The following RTTN variants were observed in gnomAD, a reference collection of about 807,000 sequenced individuals.
RTTN encodes rotatin.
Under a neutral mutation model 269.2 loss-of-function variants are expected in RTTN, and 182 were observed. The observed-to-expected ratio is 0.68, with a 90% CI of 0.60 to 0.76. The LOEUF is 0.76. Among genes scored for constraint, RTTN ranks in the 30% least tolerant of loss-of-function variants. The pLI is 0.00. For synonymous variants in RTTN, 1,006 were observed against 963.5 expected (o/e 1.04, Z -0.82); for missense variants, 2,545 against 2,608.6 (o/e 0.98, Z 0.53).
At chr18:70,103,670 T>G (rs539817904) in intron 28 of RTTN, among the ~76,000 whole-genome samples, 207 of 150,644 alleles carry the variant, frequency 1.4e-3, no homozygotes, top group African/African-American at 4.9e-3. Flanking sequence ...TTTGTTCAAG[T>G]GTTTATCTGC....
intron 34 of RTTN, among the ~76,000 whole-genome samples, chr18:70,071,857 T>C (rs1228679563): frequency 6.6e-6 from 1 of 152,100 alleles, no homozygotes; most frequent in East Asian, 1.9e-4. Flanking sequence ...AAAGATAAAA[T>C]GGAAAAACCA....
Position 70,030,120 on chromosome 18 carries a change from A to G in RTTN, c.5648-11T>C. The G allele has an allele frequency of 2.6e-6, 4 of 1,562,312 alleles. No individual in the cohort carries two copies. Among genetic ancestry groups the G allele is most frequent in the Non-Finnish European group, 3.5e-6 (4 of 1,135,660 alleles). ...TGTCTATAAGATTGGCTGAAAGACAAAATCTGCAGTAGTCAAAAGGATATT... is the reference window on the plus strand; with the variant it reads ...TGTCTATAAGATTGGCTGAAAGACAGAATCTGCAGTAGTCAAAAGGATATT... On this transcript the variant is annotated splice_polypyrimidine_tract_variant and intron_variant, in intron 41 of 48. Transcript: ENST00000640769.
At chr18:70,154,918 A>G (rs140870206) in intron 14 of RTTN, among the ~76,000 whole-genome samples, 2 of 152,172 alleles carry the variant, frequency 1.3e-5, no homozygotes, top group African/African-American at 2.4e-5. Context: ...CTACTATTTG[A>G]TATTATCAAA....
rs1323521128 is a variant in RTTN, at chr18:70,092,172, G to A, written c.4081C>T (p.His1361Tyr). The change falls in exon 30 of 49, where the codon CAT becomes TAT. Residue 1361 changes from histidine to tyrosine, a missense_variant. Coordinates refer to ENST00000640769, the MANE Select transcript of RTTN (RefSeq NM_173630.4). ...GCCAATCCTTGTTGAGTAGGAATAT[G>A]TTCTTCACTATGACTACCCAAAGGC... ...FLPLGSHSEEHIPTQQGLAWL... is the reference protein window; with the variant it reads ...FLPLGSHSEEYIPTQQGLAWL... 6 of 1,613,384 alleles carry A rather than the reference G, an allele frequency of 3.7e-6. No individual in the cohort carries two copies. The highest frequency in any genetic ancestry group is 1.3e-5 in the African/African-American group (1 of 74,854).
At position 70,190,619 on chromosome 18, in the gene RTTN, A is replaced by C; in HGVS notation, c.1108T>G (p.Leu370Val). 6.2e-7 allele frequency: 1 copy of C among 1,613,736 alleles called. No homozygotes were observed. The highest frequency in any genetic ancestry group is 8.5e-7 in the Non-Finnish European group (1 of 1,179,608). Residue 370 changes from leucine (L) to valine (V), a missense_variant, in exon 9 of 49, where the codon TTG becomes GTG. Physicochemically the swap from Leu to Val is conservative, Grantham distance 32. Coordinates refer to ENST00000640769, the MANE Select transcript of RTTN (RefSeq NM_173630.4). ...DLPELETEDT[L>V]ELQFQQLSLP... ...CTGAGCTGCTGGAATTGTAGTTCCA[A>C]TGTGTCTTCAGTTTCCAGCTCTGGC... is the stretch of plus-strand genomic sequence containing the variant.
intron 34 of RTTN, among the ~76,000 whole-genome samples, chr18:70,066,975 T>A (rs569932065): frequency 6.6e-6 from 1 of 152,158 alleles, no homozygotes; most frequent in Admixed American, 6.5e-5. Flanking sequence ...TAAGTAAGTA[T>A]AACAGTCATG....
At position 70,188,170 on chromosome 18, in the gene RTTN, G is replaced by C; in HGVS notation, c.1243C>G (p.Leu415Val). ...VLELLTEDMT[L>V]IGEAISTDIW... The stretch of plus-strand genomic sequence containing the variant: ...TCTGTTGAAATTGCTTCACCAATAA[G>C]TGTCATATCCTCTGTAAGCAATTCC... Residue 415 changes from leucine (L) to valine (V), a missense_variant, in exon 10 of 49, where the codon CTT becomes GTT. Coordinates refer to ENST00000640769, the MANE Select transcript of RTTN (RefSeq NM_173630.4). 1 of 1,612,292 alleles carries C rather than the reference G, an allele frequency of 6.2e-7. No individual in the cohort carries two copies. The highest frequency in any genetic ancestry group is 1.7e-5 in the Admixed American group (1 of 60,018).
At chr18:70,186,291 G>C (rs193273049) in intron 10 of RTTN, among the ~76,000 whole-genome samples, 4 of 152,278 alleles carry the variant, frequency 2.6e-5, no homozygotes, top group Admixed American at 2.6e-4. Context: ...TTGGTCAACA[G>C]GTTCTTGGAA....
At chr18:70,116,924 T>C (rs1450908756) in intron 26 of RTTN, among the ~76,000 whole-genome samples, 1 of 142,578 alleles carries the variant, frequency 7.0e-6, no homozygotes, top group African/African-American at 2.5e-5. Context: ...ATCAAAAAAA[T>C]GCATTCCAAA....
chr18:70,202,106 T>G (rs2061968557), intron 3 of RTTN, 123 bp from the exon 4 acceptor site: 3 of 582,092 alleles, frequency 5.2e-6, no homozygotes, highest in Non-Finnish European at 8.5e-6. Flanking sequence ...TAAAAAAAAG[T>G]CCAGTTTTTT....
intron 42 of RTTN, 77 bp downstream of exon 42, chr18:70,029,935 C>T (rs2056963972): frequency 2.1e-6 from 2 of 974,162 alleles, no homozygotes; most frequent in African/African-American, 3.2e-5. Flanking sequence ...TCATTTCAAG[C>T]TCGTGCTCAT....
At chr18:70,143,768 T>C (rs1279480689) in intron 18 of RTTN, among the ~76,000 whole-genome samples, 1 of 151,622 alleles carries the variant, frequency 6.6e-6, no homozygotes. Context: ...AATAAATACA[T>C]AAATAAATAA....
At chr18:70,130,185 G>A (rs959030350) in intron 23 of RTTN, 2 of 152,006 alleles carry the variant, frequency 1.3e-5, no homozygotes, top group Non-Finnish European at 2.9e-5. Flanking sequence ...TAGTGGGAAT[G>A]TAAATTAGTA....
chr18:70,092,275 T>A lies in RTTN; in HGVS notation c.4033-55A>T. 2.7e-6 allele frequency: 3 copies of A among 1,112,008 alleles called. No individual in the cohort carries two copies. In the South Asian group the frequency reaches 3.9e-5, roughly 15 times the overall value. 68.9% of individuals were successfully genotyped at this position (1,112,008 alleles called of 1,614,324 possible). A position where few individuals can be genotyped will look rare whatever the true frequency, so the allele number is the denominator to read the frequency against. ...TTGAGGTAAGTTTCTAAAAATAAAA[T>A]GCAGGAAGGTTAAAACAAGAATTTT... On this transcript the variant is annotated intron_variant, in intron 29 of 48. Coordinates refer to ENST00000640769, the MANE Select transcript of RTTN (RefSeq NM_173630.4).
chr18:70,149,111 G>T, intron 16 of RTTN, 74 bp from the exon 17 acceptor site: 2 of 1,336,186 alleles, frequency 1.5e-6, no homozygotes, highest in South Asian at 2.6e-5. Flanking sequence ...AATAAGAATT[G>T]TATTGTCCTA....
intron 7 of RTTN, among the ~76,000 whole-genome samples, chr18:70,193,874 G>C (rs953897949): frequency 2.0e-5 from 3 of 152,172 alleles, no homozygotes; most frequent in African/African-American, 7.2e-5. Flanking sequence ...CCTTGAATTT[G>C]GCAATCGATT....
chr18:70,013,508 C>G (rs2056456184), intron 46 of RTTN, among the ~76,000 whole-genome samples: 1 of 151,810 alleles, frequency 6.6e-6, no homozygotes, highest in African/African-American at 2.4e-5. Context: ...TATTGTGAAA[C>G]ATGCATATAA....
intron 5 of RTTN, among the ~76,000 whole-genome samples, chr18:70,198,724 T>G (rs2061875607): frequency 6.6e-6 from 1 of 152,196 alleles, no homozygotes; most frequent in Non-Finnish European, 1.5e-5. Flanking sequence ...CATGGTTTAA[T>G]TTGTCTCCTA....
At chr18:70,099,739 T>A (rs1041438284) in intron 28 of RTTN, among the ~76,000 whole-genome samples, 2 of 152,176 alleles carry the variant, frequency 1.3e-5, no homozygotes, top group African/African-American at 4.8e-5. Context: ...CTTTAATCCA[T>A]CTTGAATTAA....
Sources: allele counts gnomAD v4.1 joint callset (sites outside exome capture counted in the v4.1 genomes callset), GRCh38; gene constraint gnomAD v4.1.1; transcripts MANE v1.5; gene names NCBI Gene and HGNC (gene_info 2026-07-23, HGNC 2026-07-21).